The following SGCZ variants were observed in gnomAD, a reference collection of about 807,000 sequenced individuals.
The protein encoded by SGCZ is sarcoglycan zeta.
In SGCZ, 40 loss-of-function variants were observed where a neutral mutation model predicts 41.3. The ratio of observed to expected loss-of-function variants is 0.97; its 90% CI spans 0.75 to 1.26. The LOEUF is 1.26. Among genes scored for constraint, SGCZ ranks in the 50% most tolerant of loss-of-function variants. The pLI, the probability that SGCZ is intolerant of heterozygous loss-of-function variation, is 0.00. For missense variants in SGCZ, 552 were observed against 369.8 expected (o/e 1.49, Z -4.04); for synonymous variants, 206 against 137.5 (o/e 1.50, Z -3.49).
chr8:14,464,564 TTTTC>T (rs1265589296), intron 2 of SGCZ, among the ~76,000 whole-genome samples: 29 of 151,354 alleles, frequency 1.9e-4, no homozygotes, highest in African/African-American at 4.3e-4. Flanking sequence ...TGTATGTTGA[TTTTC>T]TTTATTTTTT....
In SGCZ at chr8:14,975,406, G is replaced by C. The variant is rs567160821; in HGVS notation, c.39+262179C>G. Reference sequence around the variant, plus strand: ...ACAATGAGAAGAAAATCCTCTCCTGGTTCTTATCAAAAGCCTGGATGTGTA... The same window carrying C: ...ACAATGAGAAGAAAATCCTCTCCTGCTTCTTATCAAAAGCCTGGATGTGTA... On this transcript the variant is annotated intron_variant, in intron 1 of 7. Transcript: ENST00000382080. Among the ~76,000 whole-genome samples, 9 of 152,232 alleles carry C rather than the reference G, an allele frequency of 5.9e-5. 1 individual carries two copies. The highest frequency in any genetic ancestry group is 5.9e-4 in the Admixed American group (9 of 15,290).
intron 1 of SGCZ, among the ~76,000 whole-genome samples, chr8:15,106,603 T>G (rs1370492395): frequency 6.6e-6 from 1 of 152,148 alleles, no homozygotes; most frequent in Non-Finnish European, 1.5e-5. Context: ...TTTTATAACC[T>G]GTCACTTTAT....
chr8:14,994,485 G>A (rs1802142166), intron 1 of SGCZ, among the ~76,000 whole-genome samples: 1 of 152,124 alleles, frequency 6.6e-6, no homozygotes, highest in South Asian at 2.1e-4. Context: ...TGGGGAGGCT[G>A]AGGCAGGAGA....
chr8:14,914,567 G>A lies in SGCZ; in HGVS notation c.39+323018C>T, dbSNP rs371859848. 5.3e-5 allele frequency among the ~76,000 whole-genome samples: 8 copies of A among 152,116 alleles called. No homozygotes were observed. The East Asian group carries it at 7.7e-4, about 15-fold the overall frequency. ...CATTTAAAAAAGGCTTATCAAGAGC[G>A]TTCTTTTAGTCATAGCCCATACATT... On this transcript the variant is annotated intron_variant, in intron 1 of 7. Coordinates refer to ENST00000382080, the MANE Select transcript of SGCZ (RefSeq NM_139167.4).
intron 1 of SGCZ, among the ~76,000 whole-genome samples, chr8:14,593,978 C>A (rs963335698): frequency 1.3e-5 from 2 of 151,978 alleles, no homozygotes; most frequent in African/African-American, 4.8e-5. Flanking sequence ...AGTTCGAGAG[C>A]AGTCTGGCCC....
rs188418406 is a variant in SGCZ at position 15,218,644 on chromosome 8, T to G, written c.39+18941A>C. Among the ~76,000 whole-genome samples, 407 of 152,328 alleles carry G rather than the reference T, an allele frequency of 2.7e-3. 2 individuals are homozygous for G. The highest frequency in any genetic ancestry group is 9.4e-3 in the African/African-American group (389 of 41,584). On this transcript the variant is annotated intron_variant, in intron 1 of 7. Coordinates refer to ENST00000382080, the MANE Select transcript of SGCZ (RefSeq NM_139167.4). Reference sequence around the variant, plus strand: ...AGTTTATCAGCTTTTCTTCCTAGTGTACCCACATGAGTACACTCGTTTTTT... The same window carrying G: ...AGTTTATCAGCTTTTCTTCCTAGTGGACCCACATGAGTACACTCGTTTTTT...
chr8:14,465,236 T>G (rs1233064842), intron 2 of SGCZ, among the ~76,000 whole-genome samples: 2 of 151,462 alleles, frequency 1.3e-5, no homozygotes, highest in African/African-American at 4.8e-5. Context: ...CCTCATATGT[T>G]TTGATGTTCT....
chr8:14,839,181 C>T (rs536612624), intron 1 of SGCZ, among the ~76,000 whole-genome samples: 2 of 151,588 alleles, frequency 1.3e-5, no homozygotes, highest in Non-Finnish European at 1.5e-5. Context: ...AGTGAAATAG[C>T]GGGGTGATAT....
intron 2 of SGCZ, among the ~76,000 whole-genome samples, chr8:14,486,179 T>G (rs1801668895): frequency 6.6e-6 from 1 of 152,202 alleles, no homozygotes; most frequent in South Asian, 2.1e-4. Context: ...AGCCACACTA[T>G]CTTTTGGTTG....
intron 1 of SGCZ, among the ~76,000 whole-genome samples, chr8:15,187,661 C>T (rs1425202348): frequency 6.6e-6 from 1 of 151,900 alleles, no homozygotes; most frequent in Non-Finnish European, 1.5e-5. Flanking sequence ...CTAGCTTTGT[C>T]CCCACAAAAT....
intron 1 of SGCZ, among the ~76,000 whole-genome samples, chr8:15,067,057 C>G (rs1805178568): frequency 6.6e-6 from 1 of 152,152 alleles, no homozygotes; most frequent in East Asian, 1.9e-4. Flanking sequence ...TCATACACAT[C>G]ACAATTAAAC....
chr8:14,531,766 A>G (rs555665081), intron 2 of SGCZ, among the ~76,000 whole-genome samples: 1 of 152,164 alleles, frequency 6.6e-6, no homozygotes, highest in South Asian at 2.1e-4. Flanking sequence ...AATCCTAACC[A>G]TATCCCAAAC....
intron 1 of SGCZ, among the ~76,000 whole-genome samples, chr8:15,096,983 C>A (rs1400553185): frequency 6.6e-6 from 1 of 152,078 alleles, no homozygotes. Context: ...CCGCACCTAG[C>A]CTTATTTTAT....
intron 1 of SGCZ, among the ~76,000 whole-genome samples, chr8:14,558,473 G>A (rs1257929937): frequency 6.6e-6 from 1 of 151,774 alleles, no homozygotes; most frequent in Non-Finnish European, 1.5e-5. Context: ...TACTTGGGAG[G>A]CTAAGGCAGA....
At chr8:14,451,385 A>G (rs1056014971) in intron 2 of SGCZ, among the ~76,000 whole-genome samples, 1 of 152,196 alleles carries the variant, frequency 6.6e-6, no homozygotes, top group Admixed American at 6.6e-5. Context: ...TTCAGGGTAC[A>G]GTGTTACTGA....
intron 1 of SGCZ, among the ~76,000 whole-genome samples, chr8:15,035,805 C>A (rs1235645759): frequency 6.6e-6 from 1 of 152,068 alleles, no homozygotes; most frequent in East Asian, 1.9e-4. Flanking sequence ...AATATATATG[C>A]ACTTAATATT....
chr8:14,744,013 G>C (rs972807333), intron 1 of SGCZ, among the ~76,000 whole-genome samples: 1 of 152,096 alleles, frequency 6.6e-6, no homozygotes, highest in African/African-American at 2.4e-5. Flanking sequence ...TACAGGTTTT[G>C]CATGCCTGAA....
chr8:14,291,007 C>A (rs1335645518), intron 3 of SGCZ, among the ~76,000 whole-genome samples: 1 of 152,014 alleles, frequency 6.6e-6, no homozygotes, highest in Non-Finnish European at 1.5e-5. Flanking sequence ...TAATATTCAG[C>A]TATAAAAAAT....
intron 6 of SGCZ, among the ~76,000 whole-genome samples, chr8:14,104,242 G>C (rs986254613): frequency 2.0e-5 from 3 of 152,086 alleles, no homozygotes; most frequent in Non-Finnish European, 4.4e-5. Flanking sequence ...TATTCATTTG[G>C]AAAGCACTAC....
Sources: gnomAD v4.1 joint callset for allele counts (sites outside exome capture counted in the v4.1 genomes callset) on GRCh38, gnomAD v4.1.1 for gene constraint, MANE v1.5 for transcripts, NCBI Gene and HGNC (gene_info 2026-07-23, HGNC 2026-07-21) for gene names.